The following FBXO36 variants were observed in gnomAD, a reference collection of about 807,000 sequenced individuals.
The protein encoded by FBXO36 is F-box only protein 36.
Under a neutral mutation model 17.0 loss-of-function variants are expected in FBXO36, and 18 were observed. The observed-to-expected ratio is 1.06, with a 90% CI of 0.73 to 1.57. The LOEUF is 1.57. Among genes scored for constraint, FBXO36 ranks in the 40% most tolerant of loss-of-function variants. The pLI is 0.00. For missense variants in FBXO36, 229 were observed against 221.9 expected (o/e 1.03, Z -0.20); for synonymous variants, 83 against 85.3 (o/e 0.97, Z 0.15).
chr2:229,940,491 G>A (rs1402788932), intron 1 of FBXO36, among the ~76,000 whole-genome samples: 1 of 152,134 alleles, frequency 6.6e-6, no homozygotes, highest in Non-Finnish European at 1.5e-5. Flanking sequence ...TATGTTAGGG[G>A]CCGAATTATG....
intron 1 of FBXO36, among the ~76,000 whole-genome samples, chr2:229,962,050 G>A (rs2077124003): frequency 6.6e-6 from 1 of 152,006 alleles, no homozygotes; most frequent in South Asian, 2.1e-4. Context: ...GGGCACAGTG[G>A]CATGCGCCTG....
intron 3 of FBXO36, among the ~76,000 whole-genome samples, chr2:230,007,972 A>G (rs566821966): frequency 6.6e-6 from 1 of 152,024 alleles, no homozygotes; most frequent in East Asian, 1.9e-4. Context: ...CAAGTGATCT[A>G]CCCACCTCGG....
chr2:229,971,991 CTTTTT>C (rs918029152), intron 1 of FBXO36, among the ~76,000 whole-genome samples: 1 of 104,044 alleles, frequency 9.6e-6, no homozygotes, highest in Admixed American at 1.0e-4. Context: ...GTATCCAATT[CTTTTT>C]TTTTTTTTTT....
At chr2:229,936,065 G>A (rs760241266) in intron 1 of FBXO36, among the ~76,000 whole-genome samples, 6 of 152,170 alleles carry the variant, frequency 3.9e-5, no homozygotes, top group Non-Finnish European at 8.8e-5. Flanking sequence ...GTGGACGCTT[G>A]TAATCCCAGC....
chr2:229,934,449 C>T (rs189169175), intron 1 of FBXO36, among the ~76,000 whole-genome samples: 2 of 152,224 alleles, frequency 1.3e-5, no homozygotes, highest in East Asian at 3.9e-4. Flanking sequence ...CATCATGAAT[C>T]TCCAAGAGAC....
intron 2 of FBXO36, among the ~76,000 whole-genome samples, chr2:229,995,356 T>C (rs1327346328): frequency 6.6e-6 from 1 of 152,158 alleles, no homozygotes; most frequent in Admixed American, 6.5e-5. Context: ...AGGCCATTGA[T>C]TGGTTGATTC....
intron 1 of FBXO36, among the ~76,000 whole-genome samples, chr2:229,974,435 A>C (rs1261201065): frequency 6.6e-6 from 1 of 152,232 alleles, no homozygotes; most frequent in Non-Finnish European, 1.5e-5. Flanking sequence ...TGTGGCAAGC[A>C]CTGCAGATGT....
At chr2:229,989,239 C>T (rs1206196662) in intron 2 of FBXO36, among the ~76,000 whole-genome samples, 3 of 151,996 alleles carry the variant, frequency 2.0e-5, no homozygotes, top group African/African-American at 7.2e-5. Flanking sequence ...TCTTTCTGAT[C>T]ATGATGTATT....
chr2:230,000,699 C>T (rs2077353830), intron 3 of FBXO36, among the ~76,000 whole-genome samples: 1 of 152,046 alleles, frequency 6.6e-6, no homozygotes, highest in South Asian at 2.1e-4. Context: ...GTCTTGAAAA[C>T]ATTCTCCATA....
At position 230,012,979 on chromosome 2, in the gene FBXO36, T is replaced by C. The variant is rs1237147479; in HGVS notation, c.*2095T>C. ...TTACGATATATACTTATATGTAGTA[T>C]ATAATAATATTACATATAAAAATGT... On this transcript the variant is annotated 3_prime_UTR_variant, in exon 4 of 4. Coordinates refer to ENST00000283946, the MANE Select transcript of FBXO36 (RefSeq NM_174899.5). 1 of 150,892 alleles carries C rather than the reference T, an allele frequency of 6.6e-6. No homozygotes were observed. The highest frequency in any genetic ancestry group is 2.4e-5 in the African/African-American group (1 of 41,148). 9.3% of individuals were successfully genotyped at this position (150,892 alleles called of 1,614,324 possible).
At chr2:229,955,141 C>T (rs1236361212) in intron 1 of FBXO36, among the ~76,000 whole-genome samples, 6 of 152,244 alleles carry the variant, frequency 3.9e-5, no homozygotes, top group South Asian at 2.1e-4. Flanking sequence ...TGTGAGCCAC[C>T]GCGCCCAGCC....
At chr2:230,006,285 G>A (rs1213927838) in intron 3 of FBXO36, among the ~76,000 whole-genome samples, 11 of 151,738 alleles carry the variant, frequency 7.2e-5, no homozygotes, top group African/African-American at 2.7e-4. Flanking sequence ...TAGTAGAGGC[G>A]GGGTTTCGCC....
Position 229,968,908 on chromosome 2 carries a change from A to C in FBXO36, c.97-7333A>C, listed in dbSNP as rs535955093. Among the ~76,000 whole-genome samples, 16 of 151,358 alleles carry C rather than the reference A, an allele frequency of 1.1e-4. No individual in the cohort carries two copies. The South Asian group carries it at 3.1e-3, about 30-fold the overall frequency. On this transcript the variant is annotated intron_variant, in intron 1 of 3. Coordinates refer to ENST00000283946, the MANE Select transcript of FBXO36 (RefSeq NM_174899.5). ...TATGCCTCAGCCTCCCGAGTAGCTG[A>C]GATTACAGGCGTGCACCACCACATC...
chr2:229,940,194 T>A (rs1225356955), intron 1 of FBXO36, among the ~76,000 whole-genome samples: 2 of 152,218 alleles, frequency 1.3e-5, no homozygotes, highest in Non-Finnish European at 2.9e-5. Context: ...TTGTTTAAGC[T>A]GTGACTAAAG....
intron 1 of FBXO36, among the ~76,000 whole-genome samples, chr2:229,937,276 CTT>C (rs772338786): frequency 1.3e-5 from 2 of 152,056 alleles, no homozygotes; most frequent in Admixed American, 6.6e-5. Context: ...GGGCAGATCA[CTT>C]GAGGTCAGGA....
chr2:229,940,820 A>G (rs2076994185), intron 1 of FBXO36, among the ~76,000 whole-genome samples: 1 of 152,196 alleles, frequency 6.6e-6, no homozygotes, highest in Non-Finnish European at 1.5e-5. Context: ...TTGGACTTCT[A>G]TCCCCAGAAT....
intron 1 of FBXO36, among the ~76,000 whole-genome samples, chr2:229,946,698 G>A (rs186580550): frequency 6.4e-4 from 98 of 152,316 alleles, no homozygotes; most frequent in Admixed American, 2.2e-3. Flanking sequence ...AAGAGATGGT[G>A]AATGGAAATT....
At chr2:229,998,963 C>T (rs1230588964) in intron 3 of FBXO36, among the ~76,000 whole-genome samples, 10 of 151,332 alleles carry the variant, frequency 6.6e-5, no homozygotes, top group African/African-American at 1.5e-4. Flanking sequence ...CCACCACACC[C>T]GGCTAATTTT....
chr2:229,956,872 A>G (rs1179106705), intron 1 of FBXO36, among the ~76,000 whole-genome samples: 3 of 152,268 alleles, frequency 2.0e-5, no homozygotes, highest in African/African-American at 2.4e-5. Flanking sequence ...CTAAGCCCCA[A>G]CAACACCCCT....
Sources: gnomAD v4.1 joint callset for allele counts (sites outside exome capture counted in the v4.1 genomes callset) on GRCh38, gnomAD v4.1.1 for gene constraint, MANE v1.5 for transcripts, NCBI Gene and HGNC (gene_info 2026-07-23, HGNC 2026-07-21) for gene names.